Variants in CHRM5 observed in about 807,000 individuals in gnomAD.
CHRM5 encodes cholinergic receptor muscarinic 5.
A neutral mutation model predicts 39.0 loss-of-function variants in CHRM5; 18 were observed. The observed-to-expected ratio is 0.46, with a 90% confidence interval of 0.32 to 0.68. The LOEUF (loss-of-function observed/expected upper bound fraction) is 0.68. Among genes scored for constraint, CHRM5 ranks in the 30% least tolerant of loss-of-function variants. CHRM5 has a pLI of 0.04. For missense variants in CHRM5, 515 were observed against 651.1 expected, an observed-to-expected ratio of 0.79 and a Z score of 2.28; for synonymous variants, 241 against 246.3, an observed-to-expected ratio of 0.98 and a Z score of 0.20.
intron 1 of CHRM5, among the ~76,000 whole-genome samples, chr15:33,985,618 C>A (rs1896403009): frequency 6.6e-6 from 1 of 151,974 alleles, no homozygotes; most frequent in Non-Finnish European, 1.5e-5. Context: ...GCTCTCCCAA[C>A]AATATTCTGA....
intron 1 of CHRM5, among the ~76,000 whole-genome samples, chr15:33,984,556 T>A (rs959505869): frequency 6.6e-6 from 1 of 152,054 alleles, no homozygotes; most frequent in East Asian, 1.9e-4. Context: ...GCATGCTCCA[T>A]CACACCCGGC....
intron 1 of CHRM5, among the ~76,000 whole-genome samples, chr15:34,013,666 T>C (rs575048275): frequency 6.6e-6 from 1 of 152,104 alleles, no homozygotes; most frequent in Non-Finnish European, 1.5e-5. Flanking sequence ...GAAGTAAACA[T>C]ATATAGTGTG....
intron 1 of CHRM5, among the ~76,000 whole-genome samples, chr15:34,042,120 G>A (rs756417030): frequency 9.9e-5 from 15 of 152,140 alleles, no homozygotes; most frequent in Non-Finnish European, 1.8e-4. Flanking sequence ...TGTTATTAAG[G>A]TTTAAAAATA....
chr15:34,028,151 A>T (rs773930419), intron 1 of CHRM5, among the ~76,000 whole-genome samples: 25 of 152,226 alleles, frequency 1.6e-4, no homozygotes, highest in Non-Finnish European at 3.2e-4. Context: ...CCATTTAAAA[A>T]ATTTTTTAAT....
At chr15:34,013,076 T>TG (rs937638553) in intron 1 of CHRM5, among the ~76,000 whole-genome samples, 13 of 152,116 alleles carry the variant, frequency 8.5e-5, no homozygotes, top group Non-Finnish European at 1.8e-4. Flanking sequence ...TTTGTTTGTT[T>TG]TTTGAGACAG....
intron 1 of CHRM5, among the ~76,000 whole-genome samples, chr15:34,024,910 T>C (rs1217213646): frequency 3.4e-5 from 5 of 147,068 alleles, no homozygotes; most frequent in Admixed American, 1.4e-4. Flanking sequence ...AGGCCGGGCA[T>C]GGTGGCTCAC....
Position 34,062,683 on chromosome 15 carries a change from C to A in CHRM5, c.-35C>A, listed in dbSNP as rs1250393247. 4 of 1,575,846 alleles carry A rather than the reference C, an allele frequency of 2.5e-6. No individual in the cohort carries two copies. The highest frequency in any genetic ancestry group is 2.2e-5 in the East Asian group (1 of 44,618). ...AGCTGAAATAGAAAACAGCCTAGAA[C>A]CTAACACTATTTACTGTAAAATTTT... On this transcript the variant is annotated 5_prime_UTR_variant, in exon 3 of 3. Coordinates refer to ENST00000383263, the MANE Select transcript of CHRM5 (RefSeq NM_012125.4).
chr15:34,039,097 A>T, intron 1 of CHRM5: 1 of 1,067,588 alleles, frequency 9.4e-7, no homozygotes, highest in Non-Finnish European at 1.1e-6. Flanking sequence ...TGCGGCGGAG[A>T]CGCCCTGGCC....
intron 2 of CHRM5, among the ~76,000 whole-genome samples, chr15:34,060,054 G>T (rs1034280618): frequency 5.3e-5 from 8 of 152,184 alleles, no homozygotes; most frequent in Non-Finnish European, 1.5e-5. Flanking sequence ...GTGTGGCTTA[G>T]ATCTGACCAT....
intron 1 of CHRM5, among the ~76,000 whole-genome samples, chr15:34,028,324 G>A (rs1052318927): frequency 6.6e-6 from 1 of 152,138 alleles, no homozygotes; most frequent in Non-Finnish European, 1.5e-5. Context: ...CAGCACTTTG[G>A]GAAGCCAAGG....
intron 1 of CHRM5, among the ~76,000 whole-genome samples, chr15:34,002,143 C>T (rs940298000): frequency 6.6e-6 from 1 of 152,144 alleles, no homozygotes; most frequent in Non-Finnish European, 1.5e-5. Context: ...GAAACTGATA[C>T]AATCTGCCAA....
intron 1 of CHRM5, among the ~76,000 whole-genome samples, chr15:34,015,090 G>A (rs1431018992): frequency 6.6e-6 from 1 of 152,068 alleles, no homozygotes; most frequent in Non-Finnish European, 1.5e-5. Flanking sequence ...GGGAAAACTG[G>A]CTTTCCATGA....
At chr15:34,015,793 A>G (rs1597353106) in intron 1 of CHRM5, among the ~76,000 whole-genome samples, 1 of 152,226 alleles carries the variant, frequency 6.6e-6, no homozygotes, top group East Asian at 1.9e-4. Context: ...CCAAGTCCTT[A>G]TATCTTTCTC....
intron 1 of CHRM5, among the ~76,000 whole-genome samples, chr15:34,014,969 G>A (rs747068960): frequency 6.6e-6 from 1 of 152,272 alleles, no homozygotes. Flanking sequence ...CCGGATTTGA[G>A]AAGCAGGGAC....
intron 1 of CHRM5, among the ~76,000 whole-genome samples, chr15:34,036,724 A>G (rs1350716470): frequency 6.6e-6 from 1 of 152,224 alleles, no homozygotes; most frequent in Non-Finnish European, 1.5e-5. Context: ...CCAACTCGAC[A>G]AAAGAAAAAG....
Position 34,066,313 on chromosome 15 carries a change from C to A in CHRM5, c.*1997C>A, listed in dbSNP as rs576959691. ...GAGTCTTCGTTTAAGGCTTTGATTCCTGATAAAGATGAAAACCCCTTCATG... is the reference window on the plus strand; with the variant it reads ...GAGTCTTCGTTTAAGGCTTTGATTCATGATAAAGATGAAAACCCCTTCATG... On this transcript the variant is annotated 3_prime_UTR_variant, in exon 3 of 3. Coordinates refer to ENST00000383263, the MANE Select transcript of CHRM5 (RefSeq NM_012125.4). The A allele has an allele frequency of 6.6e-6, 1 of 152,338 alleles. No homozygotes were observed. Among genetic ancestry groups the A allele is most frequent in the Admixed American group, 6.5e-5 (1 of 15,302 alleles). The allele number at this position is 152,338 out of a possible 1,614,324, so 9.4% of individuals were successfully genotyped here.
chr15:34,038,803 A>G, intron 1 of CHRM5: 8 of 1,192,520 alleles, frequency 6.7e-6, no homozygotes, highest in Non-Finnish European at 8.3e-6. Context: ...CCTGCGCCCC[A>G]GCCTCCCGGC....
At position 33,983,211 on chromosome 15, in the gene CHRM5, TATAC is replaced by T. The variant is rs1555512814; in HGVS notation, c.-408+14065_-408+14068del. On this transcript the variant is annotated intron_variant, in intron 1 of 2. Coordinates refer to ENST00000383263, the MANE Select transcript of CHRM5 (RefSeq NM_012125.4). Reference sequence around the variant, plus strand: ...GTGTGTATGTGTGTGTATATATATATATACATATATATACACACACATACACACA... The same window carrying T: ...GTGTGTATGTGTGTGTATATATATATATATATATACACACACATACACACA... Among the ~76,000 whole-genome samples, 63 of 14,534 alleles carry T rather than the reference TATAC, an allele frequency of 4.3e-3. 2 individuals are homozygous for T. The South Asian group carries it at 0.091, about 21-fold the overall frequency. 9.5% of individuals were successfully genotyped at this position (14,534 alleles called of 152,430 possible).
At chr15:34,016,723 T>A (rs1409475793) in intron 1 of CHRM5, among the ~76,000 whole-genome samples, 1 of 152,044 alleles carries the variant, frequency 6.6e-6, no homozygotes. Flanking sequence ...CTCTGGTGAG[T>A]GGTCCATTTT....
Sources: gnomAD v4.1 joint callset for allele counts (sites outside exome capture counted in the v4.1 genomes callset) on GRCh38, gnomAD v4.1.1 for gene constraint, MANE v1.5 for transcripts, NCBI Gene and HGNC (gene_info 2026-07-23, HGNC 2026-07-21) for gene names.